Variants in GART observed in about 807,000 individuals in gnomAD.
The protein encoded by GART is phosphoribosylglycinamide formyltransferase, phosphoribosylglycinamide synthetase, phosphoribosylaminoimidazole synthetase, also known as trifunctional purine biosynthetic protein adenosine-3.
GART carries 43 observed loss-of-function variants against 107.2 expected under a neutral mutation model. That is an observed-to-expected ratio of 0.40 (90% CI 0.31 to 0.52). The LOEUF (loss-of-function observed/expected upper bound fraction) is 0.52. Among genes scored for constraint, GART ranks in the 20% least tolerant of loss-of-function variants. GART has a pLI of 0.52. For missense variants in GART, 1,107 were observed against 1,206.5 expected (o/e 0.92, Z 1.22); for synonymous variants, 434 against 427.0 (o/e 1.02, Z -0.20).
chr21:33,531,661 C>G (rs1001466345), intron 5 of GART, 104 bp from the exon 6 acceptor site: 10 of 968,612 alleles, frequency 1.0e-5, no homozygotes, highest in Middle Eastern at 2.7e-4. Flanking sequence ...TATTATGAAC[C>G]AGTGAGTACT....
At chr21:33,530,252 G>T in intron 7 of GART, among the ~76,000 whole-genome samples, 1 of 152,260 alleles carries the variant, frequency 6.6e-6, no homozygotes, top group Non-Finnish European at 1.5e-5. Context: ...TGTCTGTTAT[G>T]AAGTAGAAAG....
chr21:33,515,946 A>C (rs975258948), intron 16 of GART, among the ~76,000 whole-genome samples: 10 of 151,934 alleles, frequency 6.6e-5, no homozygotes, highest in Non-Finnish European at 7.4e-5. Context: ...GACCAGTGTC[A>C]CGTTAAAATC....
intron 10 of GART, among the ~76,000 whole-genome samples, chr21:33,526,831 T>C (rs532036661): frequency 6.6e-6 from 1 of 152,240 alleles, no homozygotes; most frequent in Non-Finnish European, 1.5e-5. Context: ...GATAACACTT[T>C]TTCTTAATTT....
chr21:33,512,239 G>GT (rs898340445), intron 16 of GART, among the ~76,000 whole-genome samples: 1 of 139,402 alleles, frequency 7.2e-6, no homozygotes, highest in African/African-American at 2.6e-5. Context: ...GGCCGAGATG[G>GT]TACCACTGCA....
intron 16 of GART, among the ~76,000 whole-genome samples, chr21:33,513,687 C>T (rs1414820076): frequency 1.3e-5 from 2 of 152,172 alleles, no homozygotes; most frequent in Non-Finnish European, 2.9e-5. Flanking sequence ...GATTTAGTAA[C>T]TACATTGTTC....
chr21:33,515,755 C>T (rs2084866151), intron 16 of GART, among the ~76,000 whole-genome samples: 1 of 151,604 alleles, frequency 6.6e-6, no homozygotes, highest in Admixed American at 6.6e-5. Context: ...AATTATTCCA[C>T]TTCCCTTTTA....
At chr21:33,523,431 T>C (rs2085008920) in intron 11 of GART, among the ~76,000 whole-genome samples, 1 of 152,156 alleles carries the variant, frequency 6.6e-6, no homozygotes, top group African/African-American at 2.4e-5. Context: ...CAGACTAGAA[T>C]TGAGATTGCA....
At chr21:33,531,585 TTTTTA>T (rs1271524991) in intron 5 of GART, 28 bp from the exon 6 acceptor site, 1 of 1,558,574 alleles carries the variant, frequency 6.4e-7, no homozygotes, top group Non-Finnish European at 8.7e-7. Context: ...TTTTTTTTTT[TTTTTA>T]AAAAAAGAGG....
At chr21:33,526,992 C>T (rs529836169) in intron 10 of GART, among the ~76,000 whole-genome samples, 2 of 152,314 alleles carry the variant, frequency 1.3e-5, no homozygotes, top group Admixed American at 1.3e-4. Context: ...GCTACTCTGC[C>T]TGCCAGTACT....
intron 17 of GART, chr21:33,510,175 T>C: frequency 2.8e-6 from 1 of 358,434 alleles, no homozygotes; most frequent in Admixed American, 4.4e-5. Context: ...ACGGTGGATA[T>C]ATATGACTGC....
At chr21:33,535,419 T>C (rs2085285850) in intron 2 of GART, 99 bp from the exon 3 acceptor site, 4 of 662,472 alleles carry the variant, frequency 6.0e-6, no homozygotes, top group East Asian at 2.9e-5. Flanking sequence ...TTCTATACTT[T>C]AGTATGCTTG....
chr21:33,534,779 G>A, intron 3 of GART, 26 bp from the exon 4 acceptor site: 2 of 1,528,332 alleles, frequency 1.3e-6, no homozygotes, highest in Middle Eastern at 1.9e-4. Flanking sequence ...GTAGCCTTAG[G>A]TGAACCAAGG....
At chr21:33,516,184 TTTGCAGTGAGCTGAGA>T (rs913122091) in intron 16 of GART, among the ~76,000 whole-genome samples, 1 of 145,596 alleles carries the variant, frequency 6.9e-6, no homozygotes, top group Non-Finnish European at 1.5e-5. Flanking sequence ...GGAGGCAGAG[TTTGCAGTGAGCTGAGA>T]TTGCGCCACT....
intron 2 of GART, among the ~76,000 whole-genome samples, chr21:33,538,274 A>T (rs909523979): frequency 2.0e-5 from 3 of 149,034 alleles, no homozygotes; most frequent in African/African-American, 7.4e-5. Context: ...TCAGAGAGAG[A>T]TAAGGGTTGA....
chr21:33,513,428 G>A (rs2084825324), intron 16 of GART, among the ~76,000 whole-genome samples: 1 of 151,956 alleles, frequency 6.6e-6, no homozygotes, highest in South Asian at 2.1e-4. Flanking sequence ...AAATTAGCTG[G>A]GCGTGGAGAC....
chr21:33,525,825 G>C (rs191267302), intron 10 of GART, among the ~76,000 whole-genome samples: 24 of 151,068 alleles, frequency 1.6e-4, no homozygotes, highest in Middle Eastern at 3.5e-3. Flanking sequence ...CAAAAATCCT[G>C]CATCTGATCA....
intron 12 of GART, among the ~76,000 whole-genome samples, chr21:33,521,631 CAAAAAAAAAAA>C (rs571421187): frequency 1.8e-5 from 1 of 54,442 alleles, no homozygotes; most frequent in East Asian, 5.1e-4. Flanking sequence ...GACTTTGTCT[CAAAAAAAAAAA>C]AAAAAAAAAA....
rs1163998746 is a variant in GART at position 33,528,187 on chromosome 21, G to C, written c.1046C>G (p.Thr349Ser). Residue 349 changes from threonine (T) to serine (S), a missense_variant, in exon 10 of 22, where the codon ACC becomes AGC. Transcript: ENST00000381815. ...CTCACCTGTTATCTCTACACCCTTG[G>C]TGTAGTCTCCAGGATAACCTTTACT... ...MASKGYPGDY[T>S]KGVEITGFPE... 4 of 1,613,716 alleles carry C rather than the reference G, an allele frequency of 2.5e-6. No individual in the cohort carries two copies. The East Asian group carries it at 8.9e-5, about 36-fold the overall frequency.
At chr21:33,535,729 T>C (rs1310693368) in intron 2 of GART, among the ~76,000 whole-genome samples, 1 of 149,896 alleles carries the variant, frequency 6.7e-6, no homozygotes, top group Non-Finnish European at 1.5e-5. Flanking sequence ...TCAGCACTGG[T>C]ATTAAGATGT....
Sources: allele counts gnomAD v4.1 joint callset (sites outside exome capture counted in the v4.1 genomes callset), GRCh38; gene constraint gnomAD v4.1.1; transcripts MANE v1.5; gene names NCBI Gene and HGNC (gene_info 2026-07-23, HGNC 2026-07-21).